The following METTL18 variants were observed in gnomAD, a reference collection of about 807,000 sequenced individuals.
METTL18 encodes the protein methyltransferase 18, RPL3 N3(tau)-histidine.
METTL18 carries 15 observed loss-of-function variants against 19.6 expected under a neutral mutation model. The ratio of observed to expected loss-of-function variants is 0.77; its 90% confidence interval spans 0.51 to 1.18. The LOEUF (loss-of-function observed/expected upper bound fraction) is 1.18. Among genes scored for constraint, METTL18 ranks in the 50% most tolerant of loss-of-function variants. The pLI is 0.00. For synonymous variants in METTL18, 131 were observed against 145.2 expected, an observed-to-expected ratio of 0.90 and a Z score of 0.70; for missense variants, 392 against 418.8, an observed-to-expected ratio of 0.94 and a Z score of 0.56.
chr1:169,792,860 C>T lies in METTL18; in HGVS notation c.836G>A (p.Ser279Asn), dbSNP rs1430604097. The change falls in exon 2 of 2, where the codon AGT becomes AAT. Residue 279 changes from serine (S) to asparagine (N), a missense_variant. Transcript: ENST00000310392. ...EWSEFCKLVL[S>N]SEKLFVKYDL... ...ATATTTTACAAAAAGTTTTTCACTA[C>T]TTAGTACAAGCTTACAAAACTCAGA... 52 of 1,614,084 alleles carry T rather than the reference C, an allele frequency of 3.2e-5. No individual in the cohort carries two copies. The highest frequency in any genetic ancestry group is 4.4e-5 in the Non-Finnish European group (52 of 1,179,988).
rs140538608 is a variant in METTL18, at chr1:169,792,861, T to C, written c.835A>G (p.Ser279Gly). 6.8e-6 allele frequency: 11 copies of C among 1,614,000 alleles called. No individual in the cohort carries two copies. Among genetic ancestry groups the C allele is most frequent in the Non-Finnish European group, 9.3e-6 (11 of 1,180,008 alleles). Residue 279 changes from serine (S) to glycine (G), a missense_variant, in exon 2 of 2, where the codon AGT becomes GGT. By Grantham distance (56) the Ser-to-Gly change is moderately conservative. Coordinates refer to ENST00000310392, the MANE Select transcript of METTL18 (RefSeq NM_033418.4). ...TATTTTACAAAAAGTTTTTCACTAC[T>C]TAGTACAAGCTTACAAAACTCAGAC... ...EWSEFCKLVL[S>G]SEKLFVKYDL...
At position 169,793,884 on chromosome 1, in the gene METTL18, C is replaced by T. The variant is rs1650275980; in HGVS notation, c.-189G>A. 1 of 431,316 alleles carries T rather than the reference C, an allele frequency of 2.3e-6. No individual in the cohort carries two copies. The highest frequency in any genetic ancestry group is 2.1e-5 in the African/African-American group (1 of 47,496). 26.7% of individuals were successfully genotyped at this position (431,316 alleles called of 1,614,324 possible). The stretch of plus-strand genomic sequence containing the variant: ...TGACTTTTTAGACGTCTTTGGTCCT[C>T]TTTCCAAGCAGCTCTGGAAAGAAAA... On this transcript the variant is annotated 5_prime_UTR_variant, in exon 2 of 2. Coordinates refer to ENST00000310392, the MANE Select transcript of METTL18 (RefSeq NM_033418.4).
intron 1 of METTL18, 38 bp downstream of exon 1, chr1:169,794,777 C>T: frequency 4.8e-6 from 1 of 207,432 alleles, no homozygotes. Context: ...CTGGCCCTCA[C>T]CTCCCCATTT....
At chr1:169,794,374 G>A (rs988199375) in intron 1 of METTL18, among the ~76,000 whole-genome samples, 3 of 152,106 alleles carry the variant, frequency 2.0e-5, no homozygotes, top group South Asian at 4.2e-4. Flanking sequence ...ATTCATCCAA[G>A]ACTTCACTCC....
At position 169,793,166 on chromosome 1, in the gene METTL18, G is replaced by A; in HGVS notation, c.530C>T (p.Ala177Val). Residue 177 changes from alanine to valine, a missense_variant, in exon 2 of 2, where the codon GCT (alanine) becomes GTT (valine). Ala to Val is a moderately conservative substitution (Grantham distance 64, BLOSUM62 0). Coordinates refer to ENST00000310392, the MANE Select transcript of METTL18 (RefSeq NM_033418.4). ...TTTCACTTTGGCCTTTGTGAAATAA[G>A]CCAGGAGGTCAAAGGTACATTCCCA... ...KIWECTFDLL[A>V]YFTKAKVKFA... The A allele has an allele frequency of 6.2e-7, 1 of 1,614,154 alleles. No homozygotes were observed. Among genetic ancestry groups the A allele is most frequent in the East Asian group, 2.2e-5 (1 of 44,870 alleles).
chr1:169,793,008 TA>T lies in METTL18; in HGVS notation c.687del (p.Asn230MetfsTer2). The T allele has an allele frequency of 6.2e-7, 1 of 1,614,160 alleles. No individual in the cohort carries two copies. The highest frequency in any genetic ancestry group is 2.2e-5 in the East Asian group (1 of 44,874). On this transcript the variant is annotated frameshift_variant, in exon 2 of 2. Transcript: ENST00000310392. LOFTEE classifies it high-confidence loss of function. ...NSMVIDEVTL[P>X]NVVANSTLED... ...TCCAAAGTGGAGTTAGCTACTACAT[TA>T]GGTAAGGTTACTTCATCAATCACCA...
At position 169,793,849 on chromosome 1, in the gene METTL18, T is replaced by C. The variant is rs141615875; in HGVS notation, c.-154A>G. The C allele has an allele frequency of 1.9e-4, 109 of 562,458 alleles. No homozygotes were observed. Among genetic ancestry groups the C allele is most frequent in the African/African-American group, 1.9e-3 (95 of 50,460 alleles). The allele number at this position is 562,458 out of a possible 1,614,324, so 34.8% of individuals were successfully genotyped here. ...ATACATGGTAACAAATATTTAGAGA[T>C]ATTTCCAAATGACTTTTTAGACGTC... On this transcript the variant is annotated 5_prime_UTR_variant, in exon 2 of 2. The change creates a new upstream start codon in the 5' untranslated region. Coordinates refer to ENST00000310392, the MANE Select transcript of METTL18 (RefSeq NM_033418.4).
chr1:169,794,632 C>T (rs1227438467), intron 1 of METTL18, 183 bp downstream of exon 1: 1 of 164,058 alleles, frequency 6.1e-6, no homozygotes, highest in African/African-American at 2.4e-5. Flanking sequence ...ACAAGATTTA[C>T]AATTTGGGGG....
chr1:169,794,139 A>G (rs1231940194), intron 1 of METTL18, among the ~76,000 whole-genome samples: 3 of 152,024 alleles, frequency 2.0e-5, no homozygotes, highest in African/African-American at 7.3e-5. Flanking sequence ...AACAACAGCA[A>G]CCACCACCAC....
Position 169,793,707 on chromosome 1 carries a change from A to G in METTL18, c.-12T>C. On this transcript the variant is annotated 5_prime_UTR_variant, in exon 2 of 2. Transcript: ENST00000310392. ...AACTGAAAGGTCATCCTCTTATTAAATGCACACAATCTTTAAATTCAGATT... is the reference window on the plus strand; with the variant it reads ...AACTGAAAGGTCATCCTCTTATTAAGTGCACACAATCTTTAAATTCAGATT... 2 of 1,554,552 alleles carry G rather than the reference A, an allele frequency of 1.3e-6. No homozygotes were observed. Among genetic ancestry groups the G allele is most frequent in the Non-Finnish European group, 8.7e-7 (1 of 1,151,848 alleles).
Position 169,794,838 on chromosome 1 carries a change from T to A in METTL18, c.-226A>T. The stretch of plus-strand genomic sequence containing the variant: ...ACCTGGGGATGCTTGCTTCCCGACG[T>A]GTCCTGGGATCGCGCTTCTGAAAAA... On this transcript the variant is annotated 5_prime_UTR_variant, in exon 1 of 2. Coordinates refer to ENST00000310392, the MANE Select transcript of METTL18 (RefSeq NM_033418.4). 2.2e-6 allele frequency: 1 copy of A among 464,324 alleles called. No homozygotes were observed. The highest frequency in any genetic ancestry group is 2.6e-5 in the South Asian group (1 of 38,572). 28.8% of individuals were successfully genotyped at this position (464,324 alleles called of 1,614,324 possible). A position where few individuals can be genotyped will look rare whatever the true frequency, so the allele number is the denominator to read the frequency against.
At chr1:169,794,666 G>C (rs79945836) in intron 1 of METTL18, 149 bp downstream of exon 1, 10,611 of 160,718 alleles carry the variant, frequency 0.066, 456 homozygotes, top group Non-Finnish European at 0.097. Context: ...CCAGTCCCGC[G>C]GCTAGGAACG....
In METTL18 at chr1:169,793,641, G is replaced by A; in HGVS notation, c.55C>T (p.Pro19Ser). Reference protein sequence around the residue: ...IEDHLENELTPIRDGALTLDS... With the variant: ...IEDHLENELTSIRDGALTLDS... Reference sequence around the variant, plus strand: ...AGGGTCAAAGCTCCATCTCTAATGGGTGTTAATTCATTTTCCAGATGGTCT... The same window carrying A: ...AGGGTCAAAGCTCCATCTCTAATGGATGTTAATTCATTTTCCAGATGGTCT... Residue 19 changes from proline (P) to serine (S), a missense_variant, in exon 2 of 2, where the codon CCC (proline) becomes TCC (serine). Transcript: ENST00000310392. 4 of 1,613,052 alleles carry A rather than the reference G, an allele frequency of 2.5e-6. No individual in the cohort carries two copies. Among genetic ancestry groups the A allele is most frequent in the Non-Finnish European group, 1.7e-6 (2 of 1,179,700 alleles).
rs1385738691 is a variant in METTL18, at chr1:169,792,888, A to G, written c.808T>C (p.Trp270Arg). Residue 270 changes from tryptophan to arginine, a missense_variant, in exon 2 of 2, where the codon TGG (tryptophan) becomes CGG (arginine). Coordinates refer to ENST00000310392, the MANE Select transcript of METTL18 (RefSeq NM_033418.4). The part of the protein sequence containing the change: ...LYKCRFFSGE[W>R]SEFCKLVLSS... ...AGTACAAGCTTACAAAACTCAGACCACTCACCAGAAAAAAATCGGCATTTA... is the reference window on the plus strand; with the variant it reads ...AGTACAAGCTTACAAAACTCAGACCGCTCACCAGAAAAAAATCGGCATTTA... 1 of 1,614,064 alleles carries G rather than the reference A, an allele frequency of 6.2e-7. No individual in the cohort carries two copies. The highest frequency in any genetic ancestry group is 1.1e-5 in the South Asian group (1 of 91,074).
Position 169,792,568 on chromosome 1 carries a change from G to C in METTL18, c.*9C>G, listed in dbSNP as rs780172006. 9.2e-6 allele frequency: 14 copies of C among 1,513,640 alleles called. No individual in the cohort carries two copies. Among genetic ancestry groups the C allele is most frequent in the Non-Finnish European group, 9.7e-6 (11 of 1,134,996 alleles). The allele number at this position is 1,513,640 out of a possible 1,614,324, so 93.8% of individuals were successfully genotyped here. On this transcript the variant is annotated 3_prime_UTR_variant, in exon 2 of 2. Coordinates refer to ENST00000310392, the MANE Select transcript of METTL18 (RefSeq NM_033418.4). ...GTTTATTTCATTTTGGATACTCAGT[G>C]AATGTTAATTAACCAGGAAACTTAA... is the stretch of plus-strand genomic sequence containing the variant.
In METTL18 at chr1:169,793,599, G is replaced by A; in HGVS notation, c.97C>T (p.Leu33=). ...CCTTTTTGACTTTCTGAGACTGACA[G>A]CTCTTTTGAGGAATCCAGGGTCAAA... The part of the protein sequence containing the change: ...GALTLDSSKE[L]SVSESQKGEE... The change falls in exon 2 of 2, where the codon CTG becomes TTG. Residue 33 remains leucine, a synonymous_variant. Coordinates refer to ENST00000310392, the MANE Select transcript of METTL18 (RefSeq NM_033418.4). The A allele has an allele frequency of 6.2e-7, 1 of 1,614,176 alleles. No homozygotes were observed. The highest frequency in any genetic ancestry group is 8.5e-7 in the Non-Finnish European group (1 of 1,180,042).
intron 1 of METTL18, among the ~76,000 whole-genome samples, chr1:169,794,168 A>G (rs1650305862): frequency 7.0e-6 from 1 of 142,344 alleles, no homozygotes; most frequent in African/African-American, 2.5e-5. Flanking sequence ...GGACAAACAT[A>G]AAGTCCAAGA....
Position 169,793,599 on chromosome 1 carries a change from G to T in METTL18, c.97C>A (p.Leu33Met). 6.2e-7 allele frequency: 1 copy of T among 1,614,176 alleles called. No individual in the cohort carries two copies. The highest frequency in any genetic ancestry group is 8.5e-7 in the Non-Finnish European group (1 of 1,180,042). ...CCTTTTTGACTTTCTGAGACTGACA[G>T]CTCTTTTGAGGAATCCAGGGTCAAA... ...GALTLDSSKE[L>M]SVSESQKGEE... The change falls in exon 2 of 2, where the codon CTG becomes ATG. Residue 33 changes from leucine (L) to methionine (M), a missense_variant. Leu to Met is a conservative substitution (Grantham distance 15). Coordinates refer to ENST00000310392, the MANE Select transcript of METTL18 (RefSeq NM_033418.4).
At chr1:169,794,093 TG>T (rs1047441839) in intron 1 of METTL18, among the ~76,000 whole-genome samples, 196 bp from the exon 2 acceptor site, 2 of 150,966 alleles carry the variant, frequency 1.3e-5, no homozygotes. Context: ...GGTTCCAAAG[TG>T]GGAGAAGAAA....
Sources: gnomAD v4.1 joint callset for allele counts (sites outside exome capture counted in the v4.1 genomes callset) on GRCh38, gnomAD v4.1.1 for gene constraint, MANE v1.5 for transcripts, NCBI Gene and HGNC (gene_info 2026-07-23, HGNC 2026-07-21) for gene names.